The following CHMP5 variants were observed in gnomAD, a reference collection of about 807,000 sequenced individuals.
The protein encoded by CHMP5 is SNF7 domain containing 2.
CHMP5 carries 17 observed loss-of-function variants against 33.0 expected under a neutral mutation model. The ratio of observed to expected loss-of-function variants is 0.52; its 90% CI spans 0.35 to 0.77. The LOEUF (loss-of-function observed/expected upper bound fraction) is 0.77, where lower values mean the gene tolerates loss of function less well. CHMP5 is among the 30% of genes least tolerant of loss of function. The pLI is 0.01. For missense variants in CHMP5, 216 were observed against 261.5 expected (o/e 0.83, Z 1.20); for synonymous variants, 76 against 90.2 (o/e 0.84, Z 0.89).
chr9:33,276,311 G>C (rs958661704), intron 5 of CHMP5, 145 bp from the exon 6 acceptor site: 18 of 559,402 alleles, frequency 3.2e-5, no homozygotes, highest in Admixed American at 1.8e-4. Flanking sequence ...AACAGTTGTT[G>C]AGAACTGTTT....
Position 33,270,707 on chromosome 9 carries a change from C to T in CHMP5, c.306C>T (p.Thr102=), listed in dbSNP as rs772217764. The T allele has an allele frequency of 1.2e-6, 2 of 1,609,762 alleles. No homozygotes were observed. The highest frequency in any genetic ancestry group is 3.3e-5 in the Admixed American group (2 of 59,966). ...ANYTIQSLKD[T]KTTVDAMKLG... ...ATACCATCCAGTCTTTGAAGGACAC[C>T]AAGACCACGGTACTCCCAAAACACC... Residue 102 remains threonine, a synonymous_variant, in exon 4 of 8, where the codon ACC becomes ACT. Transcript: ENST00000223500.
intron 3 of CHMP5, among the ~76,000 whole-genome samples, chr9:33,269,043 A>G (rs1820761994): frequency 6.6e-6 from 1 of 152,228 alleles, no homozygotes; most frequent in East Asian, 1.9e-4. Context: ...TGAACGGACC[A>G]TTCTTTTTCT....
At chr9:33,278,068 T>TG (rs1457004920) in intron 6 of CHMP5, 45 bp from the exon 7 acceptor site, 1 of 1,296,766 alleles carries the variant, frequency 7.7e-7, no homozygotes, top group East Asian at 2.3e-5. Flanking sequence ...AGCTGCCAGT[T>TG]TTCTTGGTTA....
At chr9:33,271,125 A>C in intron 4 of CHMP5, 27 bp from the exon 5 acceptor site, 2 of 1,533,780 alleles carry the variant, frequency 1.3e-6, no homozygotes, top group Non-Finnish European at 1.8e-6. Flanking sequence ...TTACTAAAAC[A>C]TTGTGTTTTC....
chr9:33,270,130 G>A (rs544998161), intron 3 of CHMP5, among the ~76,000 whole-genome samples: 1 of 152,218 alleles, frequency 6.6e-6, no homozygotes, highest in Non-Finnish European at 1.5e-5. Flanking sequence ...GCCCCTATAA[G>A]GTTATAATAC....
chr9:33,276,210 A>G (rs1170759013), intron 5 of CHMP5, among the ~76,000 whole-genome samples: 2 of 152,186 alleles, frequency 1.3e-5, no homozygotes, highest in African/African-American at 4.8e-5. Flanking sequence ...ATGTTTTAAG[A>G]GTTACTTGAA....
chr9:33,265,259 T>C (rs1489551860), intron 1 of CHMP5, 112 bp downstream of exon 1: 1 of 994,544 alleles, frequency 1.0e-6, no homozygotes, highest in African/African-American at 1.6e-5. Flanking sequence ...CTGGGCCCCT[T>C]ACACGTCGTC....
intron 5 of CHMP5, among the ~76,000 whole-genome samples, chr9:33,273,158 G>A (rs1820815088): frequency 6.6e-6 from 1 of 152,106 alleles, no homozygotes; most frequent in Non-Finnish European, 1.5e-5. Flanking sequence ...TTTTAGTAGA[G>A]ATGGGGTTTC....
In CHMP5 at chr9:33,278,644, T is replaced by C. The variant is rs116635282; in HGVS notation, c.609+419T>C. Among the ~76,000 whole-genome samples the C allele has an allele frequency of 5.4e-3, 815 of 152,152 alleles. 10 individuals are homozygous for C. The highest frequency in any genetic ancestry group is 0.018 in the African/African-American group (751 of 41,524). Reference sequence around the variant, plus strand: ...TTTATTTTCCTTTCTTTTTCTTTTTTTTTTTTCCTGTACACACAGGAGTTT... The same window carrying C: ...TTTATTTTCCTTTCTTTTTCTTTTTCTTTTTTCCTGTACACACAGGAGTTT... On this transcript the variant is annotated intron_variant, in intron 7 of 7. Coordinates refer to ENST00000223500, the MANE Select transcript of CHMP5 (RefSeq NM_016410.6).
chr9:33,269,693 G>C (rs1341060172), intron 3 of CHMP5, among the ~76,000 whole-genome samples: 3 of 152,104 alleles, frequency 2.0e-5, no homozygotes, highest in Admixed American at 6.6e-5. Context: ...ATATGTAGCA[G>C]GCCGGGTGCG....
intron 3 of CHMP5, 143 bp from the exon 4 acceptor site, chr9:33,270,480 A>C: frequency 3.1e-6 from 2 of 640,002 alleles, no homozygotes; most frequent in Non-Finnish European, 5.5e-6. Context: ...TGTTTTTGCC[A>C]ATTTTTCTGC....
chr9:33,277,144 C>A (rs543007846), intron 6 of CHMP5, among the ~76,000 whole-genome samples: 2 of 144,316 alleles, frequency 1.4e-5, no homozygotes, highest in African/African-American at 5.2e-5. Flanking sequence ...TCCAGTGAGC[C>A]GAGATTGCCC....
Position 33,266,044 on chromosome 9 carries a change from T to A in CHMP5, c.104T>A (p.Ile35Asn). Reference protein sequence around the residue: ...DSRAESIDKKISRLDAELVKY... With the variant: ...DSRAESIDKKNSRLDAELVKY... ...AGAGCAGAATCCATTGACAAGAAGA[T>A]TTCTCGATTGGATGCTGAGCTAGTG... Residue 35 changes from isoleucine to asparagine, a missense_variant, in exon 2 of 8, where the codon ATT becomes AAT. Ile to Asn is a moderately radical substitution (Grantham distance 149). Transcript: ENST00000223500. 4 of 1,613,424 alleles carry A rather than the reference T, an allele frequency of 2.5e-6. No individual in the cohort carries two copies. Among genetic ancestry groups the A allele is most frequent in the Non-Finnish European group, 3.4e-6 (4 of 1,179,480 alleles).
chr9:33,270,545 A>G (rs760607564), intron 3 of CHMP5, 78 bp from the exon 4 acceptor site: 48 of 1,121,286 alleles, frequency 4.3e-5, no homozygotes, highest in Non-Finnish European at 5.4e-5. Flanking sequence ...AAATACTCTT[A>G]TTTAGTGTGG....
In CHMP5 at chr9:33,281,040, C is replaced by T. The variant is rs569447983; in HGVS notation, c.*181C>T. 2.9e-5 allele frequency: 13 copies of T among 452,334 alleles called. No homozygotes were observed. The highest frequency in any genetic ancestry group is 5.8e-4 in the Middle Eastern group (1 of 1,732). 28.0% of individuals were successfully genotyped at this position (452,334 alleles called of 1,614,324 possible). A position where few individuals can be genotyped will look rare whatever the true frequency, so the allele number is the denominator to read the frequency against. ...CTCATTGCTTGGGAAATGCTTTCTT[C>T]GTACTAAAATTTGATTCCTTTTTTT... is the stretch of plus-strand genomic sequence containing the variant. On this transcript the variant is annotated 3_prime_UTR_variant, in exon 8 of 8. Coordinates refer to ENST00000223500, the MANE Select transcript of CHMP5 (RefSeq NM_016410.6).
rs763791832 is a variant in CHMP5 at position 33,270,731 on chromosome 9, C to T, written c.315+15C>T. On this transcript the variant is annotated intron_variant, in intron 4 of 7. Coordinates refer to ENST00000223500, the MANE Select transcript of CHMP5 (RefSeq NM_016410.6). ...CCAAGACCACGGTACTCCCAAAACA[C>T]CTTTTCCTGTTATTTCATGTATTTA... 11 of 1,558,624 alleles carry T rather than the reference C, an allele frequency of 7.1e-6. No individual in the cohort carries two copies. The Admixed American group carries it at 8.5e-5, about 12-fold the overall frequency.
At chr9:33,268,500 G>A (rs549108260) in intron 3 of CHMP5, among the ~76,000 whole-genome samples, 1 of 152,300 alleles carries the variant, frequency 6.6e-6, no homozygotes, top group South Asian at 2.1e-4. Context: ...ATAGAGGTCA[G>A]GTATAATTAG....
chr9:33,272,809 T>C (rs1820810679), intron 5 of CHMP5, among the ~76,000 whole-genome samples: 1 of 151,464 alleles, frequency 6.6e-6, no homozygotes, highest in East Asian at 2.0e-4. Context: ...CAAAAAAAAA[T>C]AAAAGAGTGA....
intron 5 of CHMP5, among the ~76,000 whole-genome samples, chr9:33,272,365 G>A (rs1264293963): frequency 7.2e-6 from 1 of 139,430 alleles, no homozygotes; most frequent in Non-Finnish European, 1.5e-5. Context: ...GCTGGTTGAT[G>A]AATCAGAGGC....
Sources: allele counts gnomAD v4.1 joint callset (sites outside exome capture counted in the v4.1 genomes callset), GRCh38; gene constraint gnomAD v4.1.1; transcripts MANE v1.5; gene names NCBI Gene and HGNC (gene_info 2026-07-23, HGNC 2026-07-21).